The following SND1 variants were observed in gnomAD, a reference collection of about 807,000 sequenced individuals.
SND1 encodes the protein staphylococcal nuclease domain-containing protein 1.
SND1 carries 38 observed loss-of-function variants against 121.7 expected under a neutral mutation model. The observed-to-expected ratio is 0.31, with a 90% CI of 0.24 to 0.41. SND1 has a LOEUF of 0.41. SND1 is among the 10% of genes least tolerant of loss of function. The probability of loss-of-function intolerance (pLI) is 1.00; values close to 1 mark genes in which losing one functional copy is unlikely to be tolerated. For synonymous variants in SND1, 401 were observed against 447.4 expected (o/e 0.90, Z 1.31); for missense variants, 868 against 1,184.6 (o/e 0.73, Z 3.92).
chr7:127,825,122 T>A (rs953916741), intron 11 of SND1, among the ~76,000 whole-genome samples: 5 of 152,144 alleles, frequency 3.3e-5, no homozygotes, highest in African/African-American at 4.8e-5. Flanking sequence ...ATATTTTTTT[T>A]AAATAAGAGA....
At chr7:127,823,164 TAC>T (rs1563025739) in intron 11 of SND1, among the ~76,000 whole-genome samples, 2 of 152,132 alleles carry the variant, frequency 1.3e-5, no homozygotes. Flanking sequence ...TTGGGGGAGA[TAC>T]AGAGTGAGTT....
chr7:127,824,228 A>C (rs1322271426), intron 11 of SND1, among the ~76,000 whole-genome samples: 3 of 152,246 alleles, frequency 2.0e-5, no homozygotes, highest in Non-Finnish European at 4.4e-5. Context: ...GGTGATAGAA[A>C]AAAATCTGAT....
intron 10 of SND1, among the ~76,000 whole-genome samples, chr7:127,778,821 T>C (rs1797668013): frequency 6.6e-6 from 1 of 152,180 alleles, no homozygotes; most frequent in Non-Finnish European, 1.5e-5. Flanking sequence ...TTTAGATCCT[T>C]AACTAAGAAG....
chr7:127,882,675 T>G (rs1215926053), intron 12 of SND1, among the ~76,000 whole-genome samples: 1 of 152,132 alleles, frequency 6.6e-6, no homozygotes, highest in Admixed American at 6.5e-5. Context: ...CTTGACTGTC[T>G]CATTCATTTC....
chr7:127,861,785 A>G (rs1054528207), intron 12 of SND1, among the ~76,000 whole-genome samples: 6 of 152,102 alleles, frequency 3.9e-5, no homozygotes, highest in Non-Finnish European at 8.8e-5. Context: ...TTGTTTTTTA[A>G]TTAGTGTACC....
chr7:127,749,161 C>T (rs1222565663), intron 10 of SND1, among the ~76,000 whole-genome samples: 1 of 148,224 alleles, frequency 6.7e-6, no homozygotes, highest in East Asian at 2.1e-4. Context: ...AGCCTCCCAA[C>T]TAGCTGGGAT....
chr7:127,676,202 A>G (rs1012062926), intron 1 of SND1, among the ~76,000 whole-genome samples: 16 of 152,190 alleles, frequency 1.1e-4, no homozygotes, highest in African/African-American at 3.9e-4. Flanking sequence ...TCATCTGCAA[A>G]ATGAGGATAA....
chr7:127,656,991 G>A (rs1465984731), intron 1 of SND1, among the ~76,000 whole-genome samples: 1 of 152,122 alleles, frequency 6.6e-6, no homozygotes, highest in Non-Finnish European at 1.5e-5. Flanking sequence ...GTAAGTAAAG[G>A]AACACTAAGT....
Position 127,681,607 on chromosome 7 carries a change from A to T in SND1, c.79-5006A>T, listed in dbSNP as rs538074643. 2.0e-5 allele frequency among the ~76,000 whole-genome samples: 3 copies of T among 152,250 alleles called. No homozygotes were observed. The East Asian group carries it at 5.8e-4, about 29-fold the overall frequency. On this transcript the variant is annotated intron_variant, in intron 1 of 23. Transcript: ENST00000354725. ...AGGTTTGTTTTCTTCTAAGACTTTT[A>T]TAGTTTTACTCTTAAATTTAGGTCT... is the stretch of plus-strand genomic sequence containing the variant.
At position 127,902,023 on chromosome 7, in the gene SND1, G is replaced by A. The variant is rs961009639; in HGVS notation, c.1455-2724G>A. ...TGTTAGTTTTTTCCTCTTTGGTAGC[G>A]TATTTAGTTGTGGTTAAGTCCTAGA... On this transcript the variant is annotated intron_variant, in intron 13 of 23. Coordinates refer to ENST00000354725, the MANE Select transcript of SND1 (RefSeq NM_014390.4). 7.2e-5 allele frequency among the ~76,000 whole-genome samples: 11 copies of A among 152,126 alleles called. No individual in the cohort carries two copies. The East Asian group carries it at 9.6e-4, about 13-fold the overall frequency.
chr7:127,815,344 G>C (rs1348294723), intron 11 of SND1, among the ~76,000 whole-genome samples: 1 of 152,152 alleles, frequency 6.6e-6, no homozygotes, highest in Non-Finnish European at 1.5e-5. Flanking sequence ...ACGATCTATA[G>C]CCAGGCGTGG....
At chr7:127,821,197 G>A (rs1452766247) in intron 11 of SND1, among the ~76,000 whole-genome samples, 3 of 152,178 alleles carry the variant, frequency 2.0e-5, no homozygotes, top group Non-Finnish European at 4.4e-5. Flanking sequence ...CTTAGTCCAG[G>A]TTTCCCTTCC....
intron 16 of SND1, among the ~76,000 whole-genome samples, chr7:128,043,637 C>T (rs1792894645): frequency 6.6e-6 from 1 of 150,992 alleles, no homozygotes; most frequent in Admixed American, 6.6e-5. Context: ...GTGGTGCTGA[C>T]AGGCCTGGTC....
rs192052698 is a variant in SND1 at position 127,659,971 on chromosome 7, C to A, written c.78+7520C>A. Among the ~76,000 whole-genome samples the A allele has an allele frequency of 6.6e-5, 10 of 151,572 alleles. No homozygotes were observed. In the East Asian group the frequency reaches 1.9e-3, roughly 29 times the overall value. On this transcript the variant is annotated intron_variant, in intron 1 of 23. Coordinates refer to ENST00000354725, the MANE Select transcript of SND1 (RefSeq NM_014390.4). ...ACCTTAACGGCTTGACTTTGAATTG[C>A]CGTTTATCTTGCATAAAGCAGGTTT...
At chr7:128,032,921 C>G (rs1034171437) in intron 16 of SND1, among the ~76,000 whole-genome samples, 1 of 152,208 alleles carries the variant, frequency 6.6e-6, no homozygotes, top group Non-Finnish European at 1.5e-5. Flanking sequence ...GGAATGGCAA[C>G]CTGGGACAGC....
At chr7:127,729,953 G>A (rs781282527) in intron 10 of SND1, among the ~76,000 whole-genome samples, 1 of 152,100 alleles carries the variant, frequency 6.6e-6, no homozygotes, top group Non-Finnish European at 1.5e-5. Flanking sequence ...TGTTCACATT[G>A]GACAGCTCTT....
intron 10 of SND1, among the ~76,000 whole-genome samples, chr7:127,776,418 A>G (rs1797621254): frequency 1.3e-5 from 2 of 152,194 alleles, no homozygotes; most frequent in Admixed American, 6.5e-5. Flanking sequence ...ATGATGTAAA[A>G]TGGTGTGTAA....
intron 17 of SND1, among the ~76,000 whole-genome samples, chr7:128,078,781 C>G (rs1793549935): frequency 6.6e-6 from 1 of 152,256 alleles, no homozygotes; most frequent in South Asian, 2.1e-4. Context: ...GCCAAAGGAG[C>G]AGGGTGGGGC....
At chr7:127,928,094 A>G (rs978029554) in intron 14 of SND1, 7 of 152,248 alleles carry the variant, frequency 4.6e-5, no homozygotes, top group African/African-American at 1.4e-4. Context: ...GGCCCTTCGC[A>G]TCTATGTGAC....
Sources: gnomAD v4.1 joint callset for allele counts (sites outside exome capture counted in the v4.1 genomes callset) on GRCh38, gnomAD v4.1.1 for gene constraint, MANE v1.5 for transcripts, NCBI Gene and HGNC (gene_info 2026-07-23, HGNC 2026-07-21) for gene names.